The following SFI1 variants were observed in gnomAD, a reference collection of about 807,000 sequenced individuals.
SFI1 encodes the protein SFI1 centrin binding protein.
Under a neutral mutation model 207.5 loss-of-function variants are expected in SFI1, and 195 were observed. The ratio of observed to expected loss-of-function variants is 0.94; its 90% CI spans 0.84 to 1.06. SFI1 has a LOEUF of 1.06. Among genes scored for constraint, SFI1 ranks in the 50% least tolerant of loss-of-function variants. The probability of loss-of-function intolerance (pLI) is 0.00; values close to 1 mark genes in which losing one functional copy is unlikely to be tolerated. For missense variants in SFI1, 1,634 were observed against 1,588.0 expected, an observed-to-expected ratio of 1.03 and a Z score of -0.49; for synonymous variants, 630 against 598.9, an observed-to-expected ratio of 1.05 and a Z score of -0.76.
At chr22:31,602,387 C>T in intron 16 of SFI1, 94 bp downstream of exon 16, 1 of 1,331,670 alleles carries the variant, frequency 7.5e-7, no homozygotes, top group Non-Finnish European at 1.1e-6. Flanking sequence ...GTTGCTCGGA[C>T]CTCACTGGAG....
At chr22:31,506,047 G>A (rs867349069) in intron 1 of SFI1, among the ~76,000 whole-genome samples, 1 of 150,374 alleles carries the variant, frequency 6.7e-6, no homozygotes, top group South Asian at 2.1e-4. Context: ...GGGAAATCCT[G>A]TCTTTTTTTT....
intron 2 of SFI1, among the ~76,000 whole-genome samples, chr22:31,520,839 T>TAA (rs779343072): frequency 3.3e-5 from 4 of 121,850 alleles, no homozygotes; most frequent in African/African-American, 1.2e-4. Flanking sequence ...CTACAAAAAG[T>TAA]AAAAAAAAAA....
chr22:31,511,465 T>TTTTC lies in SFI1; in HGVS notation c.92+3092_92+3093insCTTT, dbSNP rs1555939125. On this transcript the variant is annotated intron_variant, in intron 2 of 32. Transcript: ENST00000400288. ...GCCTCTAACTCTGGCATAGTTTCTG[T>TTTTC]TTTTTTTTTTTTTTTTTTTTTGAGA... Among the ~76,000 whole-genome samples, 5 of 21,362 alleles carry TTTTC rather than the reference T, an allele frequency of 2.3e-4. No homozygotes were observed. The East Asian group carries it at 3.4e-3, about 15-fold the overall frequency. The allele number at this position is 21,362 out of a possible 152,430, so 14.0% of individuals were successfully genotyped here.
intron 15 of SFI1, among the ~76,000 whole-genome samples, chr22:31,594,015 G>A (rs2066649892): frequency 1.5e-5 from 2 of 137,456 alleles, no homozygotes; most frequent in South Asian, 2.2e-4. Flanking sequence ...ACAGGGAGAG[G>A]GAGAGGGAGA....
At chr22:31,516,611 G>A (rs1456352451) in intron 2 of SFI1, among the ~76,000 whole-genome samples, 1 of 152,024 alleles carries the variant, frequency 6.6e-6, no homozygotes, top group Non-Finnish European at 1.5e-5. Context: ...TTGAGGTCAG[G>A]AGTTCAAGAC....
intron 10 of SFI1, among the ~76,000 whole-genome samples, chr22:31,576,190 A>G (rs2145940794): frequency 6.6e-6 from 1 of 151,810 alleles, no homozygotes; most frequent in Admixed American, 6.6e-5. Context: ...ACGCCTGGCT[A>G]ATTTTTGTAT....
intron 1 of SFI1, among the ~76,000 whole-genome samples, chr22:31,502,376 A>ATT (rs771135776): frequency 7.7e-5 from 11 of 143,340 alleles, no homozygotes; most frequent in Non-Finnish European, 1.2e-4. Context: ...TTCAGGTTCA[A>ATT]TTTTTTTTTT....
intron 9 of SFI1, 129 bp from the exon 10 acceptor site, chr22:31,575,102 G>A (rs1369072867): frequency 2.5e-5 from 9 of 357,258 alleles, no homozygotes; most frequent in Admixed American, 6.1e-5. Context: ...GTGTGTGTGT[G>A]TGTGTGTGTG....
chr22:31,612,030 A>G (rs2070245704), intron 24 of SFI1, 190 bp downstream of exon 24: 3 of 1,389,066 alleles, frequency 2.2e-6, no homozygotes, highest in South Asian at 3.1e-5. Context: ...TGCAGTCTGC[A>G]TAAGAACAGT....
At chr22:31,498,590 G>T (rs1408002266) in intron 1 of SFI1, among the ~76,000 whole-genome samples, 1 of 151,238 alleles carries the variant, frequency 6.6e-6, no homozygotes, top group Non-Finnish European at 1.5e-5. Context: ...GGCAGAGGTT[G>T]CAGTGAGCCA....
rs775582020 is a variant in SFI1 at position 31,613,766 on chromosome 22, T to C, written c.2907T>C (p.Asp969=). ...ACCGCATTGCTGCTGGGGCTGGGGA[T>C]GGCACCCTTGAGACCAAGAGGCCAC... ...LLNRIAAGAG[D]GTLETKRPQA... is the part of the protein sequence containing the mutation. The change falls in exon 27 of 33, where the codon GAT becomes GAC. Residue 969 remains aspartate, a synonymous_variant. Coordinates refer to ENST00000400288, the MANE Select transcript of SFI1 (RefSeq NM_001007467.3). 3.1e-6 allele frequency: 5 copies of C among 1,612,956 alleles called. No homozygotes were observed. In the South Asian group the frequency reaches 5.5e-5, roughly 18 times the overall value.
chr22:31,513,555 G>A (rs1377732958), intron 2 of SFI1, among the ~76,000 whole-genome samples: 1 of 56,354 alleles, frequency 1.8e-5, no homozygotes, highest in Non-Finnish European at 3.7e-5. Context: ...CAGCACTTTG[G>A]TTTTTCGTTT....
intron 15 of SFI1, among the ~76,000 whole-genome samples, chr22:31,598,385 C>T (rs1450327495): frequency 1.3e-5 from 2 of 152,034 alleles, no homozygotes; most frequent in African/African-American, 2.4e-5. Flanking sequence ...TCCAGTCAGT[C>T]CCTACCCTGC....
intron 7 of SFI1, among the ~76,000 whole-genome samples, chr22:31,560,688 C>G (rs1412814460): frequency 6.7e-6 from 1 of 149,672 alleles, no homozygotes; most frequent in Admixed American, 6.7e-5. Flanking sequence ...CAGGCGTGAG[C>G]CACCACGCCT....
At chr22:31,550,431 A>G in intron 6 of SFI1, 83 bp downstream of exon 6, 1 of 1,049,858 alleles carries the variant, frequency 9.5e-7, no homozygotes, top group South Asian at 1.4e-5. Context: ...ACATTGTCTC[A>G]GAGAGAGAGG....
At chr22:31,530,724 G>A in intron 3 of SFI1, 1 of 431,860 alleles carries the variant, frequency 2.3e-6, no homozygotes, top group Non-Finnish European at 4.8e-6. Flanking sequence ...CATTGGAGAA[G>A]GTTCAGGCAT....
intron 4 of SFI1, among the ~76,000 whole-genome samples, chr22:31,537,979 G>A (rs182068832): frequency 2.0e-4 from 30 of 152,130 alleles, no homozygotes; most frequent in African/African-American, 7.2e-4. Context: ...TTGTTTGTTT[G>A]TTTGTTTTTG....
intron 15 of SFI1, 148 bp from the exon 16 acceptor site, chr22:31,602,064 C>T: frequency 1.5e-6 from 1 of 686,002 alleles, no homozygotes; most frequent in Non-Finnish European, 2.5e-6. Context: ...GGATTGCAGA[C>T]ATGGGCCACT....
rs966411269 is a variant in SFI1, at chr22:31,505,785, A to G, written c.-30-2470A>G. ...TGTGGTCCCAGCTACTTGGGAGGCTATGGTGAGAGGACTGCTTGAGCATGG... is the reference window on the plus strand; with the variant it reads ...TGTGGTCCCAGCTACTTGGGAGGCTGTGGTGAGAGGACTGCTTGAGCATGG... On this transcript the variant is annotated intron_variant, in intron 1 of 32. Transcript: ENST00000400288. Among the ~76,000 whole-genome samples the G allele has an allele frequency of 1.2e-4, 18 of 152,222 alleles. No homozygotes were observed. In the South Asian group the frequency reaches 2.9e-3, roughly 25 times the overall value.
Sources: allele counts gnomAD v4.1 joint callset (sites outside exome capture counted in the v4.1 genomes callset), GRCh38; gene constraint gnomAD v4.1.1; transcripts MANE v1.5; gene names NCBI Gene and HGNC (gene_info 2026-07-23, HGNC 2026-07-21).